TRDN: variants seen among roughly 807,000 people sequenced by gnomAD.
TRDN encodes the protein triadin in skeletal muscle.
Under a neutral mutation model 149.7 loss-of-function variants are expected in TRDN, and 161 were observed. That is an observed-to-expected ratio of 1.08 (90% CI 0.95 to 1.23). The LOEUF (loss-of-function observed/expected upper bound fraction) is 1.23. Ranked by LOEUF, TRDN falls within the 50% of genes most tolerant of loss-of-function variation. TRDN has a pLI of 0.00. For missense variants in TRDN, 896 were observed against 823.5 expected (o/e 1.09, Z -1.08); for synonymous variants, 294 against 250.5 (o/e 1.17, Z -1.64).
intron 1 of TRDN, among the ~76,000 whole-genome samples, chr6:123,593,696 A>G (rs552738957): frequency 6.6e-6 from 1 of 152,248 alleles, no homozygotes; most frequent in East Asian, 1.9e-4. Context: ...ATTGGATCAC[A>G]CCTTAATGAC....
rs1372434504 is a variant in TRDN at position 123,267,790 on chromosome 6, T to C, written c.1739-39A>G. ...TCAAAATTCACTGGCAATCTGTGGATTCTTTGGCAAATATTTCTTATTTAT... is the reference window on the plus strand; with the variant it reads ...TCAAAATTCACTGGCAATCTGTGGACTCTTTGGCAAATATTTCTTATTTAT... On this transcript the variant is annotated intron_variant, in intron 31 of 40. Transcript: ENST00000334268. The C allele has an allele frequency of 3.0e-5, 45 of 1,504,114 alleles. 1 individual carries two copies. The East Asian group carries it at 1.1e-3, about 36-fold the overall frequency. 93.2% of individuals were successfully genotyped at this position (1,504,114 alleles called of 1,614,324 possible).
At chr6:123,333,411 T>G (rs1220819033) in intron 22 of TRDN, among the ~76,000 whole-genome samples, 3 of 152,060 alleles carry the variant, frequency 2.0e-5, no homozygotes, top group Non-Finnish European at 4.4e-5. Context: ...CAGATACACT[T>G]TTATAGGACA....
intron 9 of TRDN, among the ~76,000 whole-genome samples, chr6:123,467,433 A>G (rs766567335): frequency 2.6e-5 from 4 of 152,142 alleles, no homozygotes; most frequent in Non-Finnish European, 5.9e-5. Flanking sequence ...CTGCACAACT[A>G]TAATGCTCTT....
rs776524375 is a variant in TRDN at position 123,284,432 on chromosome 6, G to A, written c.1511-5350C>T. Among the ~76,000 whole-genome samples the A allele has an allele frequency of 2.1e-4, 32 of 151,978 alleles. No homozygotes were observed. In the Middle Eastern group the frequency reaches 0.014, roughly 65 times the overall value. On this transcript the variant is annotated intron_variant, in intron 24 of 40. Coordinates refer to ENST00000334268, the MANE Select transcript of TRDN (RefSeq NM_006073.4). The stretch of plus-strand genomic sequence containing the variant: ...CAAAAATCACATGATCATCTGAATA[G>A]ACACAGAAAAAGCATTTGATAAAAT...
intron 1 of TRDN, among the ~76,000 whole-genome samples, chr6:123,581,192 C>A (rs1783103488): frequency 6.6e-6 from 1 of 152,130 alleles, no homozygotes; most frequent in Admixed American, 6.5e-5. Flanking sequence ...TTTTTTAAAA[C>A]AATCTTATTA....
At chr6:123,497,124 C>A (rs944871295) in intron 9 of TRDN, 69 bp downstream of exon 9, 6 of 1,235,972 alleles carry the variant, frequency 4.9e-6, no homozygotes, top group Admixed American at 3.1e-5. Context: ...CAGTTAGGTA[C>A]ATAAAAAGCC....
chr6:123,406,746 A>G (rs531826030), intron 12 of TRDN, among the ~76,000 whole-genome samples: 2 of 152,324 alleles, frequency 1.3e-5, no homozygotes, highest in South Asian at 4.1e-4. Context: ...TCTATACAGC[A>G]AATTTATAGA....
chr6:123,246,839 T>C (rs565593781), intron 38 of TRDN, among the ~76,000 whole-genome samples: 2 of 151,338 alleles, frequency 1.3e-5, no homozygotes, highest in African/African-American at 4.8e-5. Flanking sequence ...TGAACATTGA[T>C]GCAAAAGTCC....
intron 10 of TRDN, among the ~76,000 whole-genome samples, chr6:123,442,723 A>C (rs1774998509): frequency 6.6e-6 from 1 of 152,160 alleles, no homozygotes; most frequent in African/African-American, 2.4e-5. Flanking sequence ...CTTTTTAGGT[A>C]ATTTTTTAGG....
chr6:123,412,559 A>G (rs1357450495), intron 12 of TRDN, among the ~76,000 whole-genome samples: 1 of 152,160 alleles, frequency 6.6e-6, no homozygotes, highest in Non-Finnish European at 1.5e-5. Context: ...TCCTAGATTT[A>G]GAATTTCATT....
At chr6:123,300,749 A>G (rs1004986942) in intron 24 of TRDN, among the ~76,000 whole-genome samples, 4 of 152,026 alleles carry the variant, frequency 2.6e-5, no homozygotes, top group African/African-American at 9.7e-5. Context: ...AGATTTTGAA[A>G]GATGTAGCAA....
intron 9 of TRDN, among the ~76,000 whole-genome samples, chr6:123,495,927 T>C (rs1778425024): frequency 1.3e-5 from 2 of 151,694 alleles, no homozygotes; most frequent in Admixed American, 6.6e-5. Context: ...TTAAGAATTA[T>C]CACTGTATTT....
At chr6:123,339,062 G>C (rs1779974242) in intron 21 of TRDN, among the ~76,000 whole-genome samples, 1 of 151,932 alleles carries the variant, frequency 6.6e-6, no homozygotes, top group Admixed American at 6.6e-5. Context: ...TGCCAGGCTG[G>C]AGTGCAGTGG....
At chr6:123,410,783 TG>T (rs1169059146) in intron 12 of TRDN, among the ~76,000 whole-genome samples, 1 of 152,118 alleles carries the variant, frequency 6.6e-6, no homozygotes, top group East Asian at 1.9e-4. Flanking sequence ...AAGACAGAGA[TG>T]AAAGTCTGAA....
chr6:123,425,869 C>T (rs1368271416), intron 12 of TRDN, among the ~76,000 whole-genome samples: 1 of 151,922 alleles, frequency 6.6e-6, no homozygotes, highest in Non-Finnish European at 1.5e-5. Flanking sequence ...ATATAATATA[C>T]ATATCTATCT....
intron 24 of TRDN, among the ~76,000 whole-genome samples, chr6:123,301,758 T>TTTATATAC (rs1778414666): frequency 1.2e-5 from 1 of 82,572 alleles, no homozygotes; most frequent in Non-Finnish European, 2.5e-5. Flanking sequence ...TATACATATA[T>TTTATATAC]ATATATATAT....
At chr6:123,550,416 G>C (rs1320876540) in intron 2 of TRDN, among the ~76,000 whole-genome samples, 1 of 152,074 alleles carries the variant, frequency 6.6e-6, no homozygotes, top group Non-Finnish European at 1.5e-5. Context: ...GATAGGTCAA[G>C]AAAGTTGAAG....
intron 12 of TRDN, among the ~76,000 whole-genome samples, chr6:123,424,456 C>T (rs1038627043): frequency 6.6e-6 from 1 of 152,118 alleles, no homozygotes; most frequent in South Asian, 2.1e-4. Context: ...GAAAAAACAA[C>T]TCATGCATCA....
intron 38 of TRDN, among the ~76,000 whole-genome samples, chr6:123,246,119 C>A (rs1197721615): frequency 2.0e-5 from 3 of 151,884 alleles, no homozygotes; most frequent in African/African-American, 7.3e-5. Context: ...GCACTAAATG[C>A]CCACATGAGA....
Sources: allele counts gnomAD v4.1 joint callset (sites outside exome capture counted in the v4.1 genomes callset), GRCh38; gene constraint gnomAD v4.1.1; transcripts MANE v1.5; gene names NCBI Gene and HGNC (gene_info 2026-07-23, HGNC 2026-07-21).